Variants in EML5 observed in about 807,000 individuals in gnomAD.
EML5 encodes echinoderm microtubule-associated protein-like 5.
Under a neutral mutation model 250.0 loss-of-function variants are expected in EML5, and 120 were observed. That is an observed-to-expected ratio of 0.48 (90% CI 0.41 to 0.56). The LOEUF (loss-of-function observed/expected upper bound fraction) is 0.56, where lower values mean the gene tolerates loss of function less well. Among genes scored for constraint, EML5 ranks in the 20% least tolerant of loss-of-function variants. The pLI is 0.00. For missense variants in EML5, 2,006 were observed against 2,437.6 expected, an observed-to-expected ratio of 0.82 and a Z score of 3.73; for synonymous variants, 771 against 806.5, an observed-to-expected ratio of 0.96 and a Z score of 0.75.
intron 1 of EML5, among the ~76,000 whole-genome samples, chr14:88,780,925 G>A (rs2094492015): frequency 6.6e-6 from 1 of 152,132 alleles, no homozygotes; most frequent in South Asian, 2.1e-4. Context: ...CAACTGATAA[G>A]ATGTTAATCA....
intron 24 of EML5, 62 bp from the exon 25 acceptor site, chr14:88,661,892 A>C: frequency 4.3e-6 from 6 of 1,407,242 alleles, no homozygotes; most frequent in Non-Finnish European, 5.8e-6. Flanking sequence ...TAACAACCAA[A>C]ATGTAAACAT....
chr14:88,643,093 C>T (rs778218187), intron 30 of EML5, 71 bp from the exon 31 acceptor site: 24 of 1,388,632 alleles, frequency 1.7e-5, no homozygotes, highest in Admixed American at 1.6e-4. Flanking sequence ...TTGTTGTATA[C>T]GTAATACTAG....
rs369138088 is a variant in EML5, at chr14:88,658,355, G to A, written c.3709C>T (p.His1237Tyr). The A allele has an allele frequency of 6.2e-7, 1 of 1,613,396 alleles. No homozygotes were observed. Among genetic ancestry groups the A allele is most frequent in the Non-Finnish European group, 8.5e-7 (1 of 1,179,588 alleles). The change falls in exon 26 of 44, where the codon CAT becomes TAT. Residue 1237 changes from histidine to tyrosine, a missense_variant. Coordinates refer to ENST00000554922, the MANE Select transcript of EML5 (RefSeq NM_183387.3). ...KFGKFKRYVA[H>Y]STHVTNVRWT... is the part of the protein sequence containing the mutation. ...CGAACATTTGTGACATGTGTACTAT[G>A]GGCCACATACCTCTTAAACTTTCCA... is the stretch of plus-strand genomic sequence containing the variant.
Position 88,658,199 on chromosome 14 carries a change from C to T in EML5, c.3865G>A (p.Glu1289Lys). ...CDSEESDIDS[E>K]EDGGYDSDVT... ...TAAAATGACGTACCCCCATCTTCTT[C>T]AGAATCAATGTCGGATTCTTCACTA... Residue 1289 changes from glutamate to lysine, a missense_variant, in exon 26 of 44, where the codon GAA becomes AAA. This residue lies in a region of EML5 where 1,375 missense variants were observed against 1,590.3 expected (regional missense o/e 0.86). Coordinates refer to ENST00000554922, the MANE Select transcript of EML5 (RefSeq NM_183387.3). The T allele has an allele frequency of 6.2e-7, 1 of 1,613,678 alleles. No individual in the cohort carries two copies. The highest frequency in any genetic ancestry group is 1.1e-5 in the South Asian group (1 of 91,062).
intron 1 of EML5, among the ~76,000 whole-genome samples, chr14:88,761,727 G>C (rs987712407): frequency 2.0e-5 from 3 of 152,126 alleles, no homozygotes; most frequent in African/African-American, 7.2e-5. Flanking sequence ...TGGGATTCTT[G>C]GGTCAAACGG....
chr14:88,695,512 A>G (rs2093057466), intron 15 of EML5, 58 bp from the exon 16 acceptor site: 4 of 1,450,612 alleles, frequency 2.8e-6, no homozygotes, highest in Middle Eastern at 1.7e-4. Context: ...GAGAGAAAAC[A>G]TTCAGTATAT....
chr14:88,613,757 C>T lies in EML5; in HGVS notation c.*2061G>A, dbSNP rs1250436893. ...CATTTTATACATAAAATGAATGGAACAAAAGGTGCCAGAAGTCCCAGGTTA... is the reference window on the plus strand; with the variant it reads ...CATTTTATACATAAAATGAATGGAATAAAAGGTGCCAGAAGTCCCAGGTTA... On this transcript the variant is annotated 3_prime_UTR_variant, in exon 44 of 44. Transcript: ENST00000554922. 1.3e-5 allele frequency: 2 copies of T among 152,086 alleles called. No individual in the cohort carries two copies. Among genetic ancestry groups the T allele is most frequent in the Non-Finnish European group, 2.9e-5 (2 of 67,982 alleles). 9.4% of individuals were successfully genotyped at this position (152,086 alleles called of 1,614,324 possible). A position where few individuals can be genotyped will look rare whatever the true frequency, so the allele number is the denominator to read the frequency against.
chr14:88,688,341 C>A lies in EML5; in HGVS notation c.2672G>T (p.Arg891Ile). The change falls in exon 18 of 44, where the codon AGA (arginine) becomes ATA (isoleucine). Residue 891 changes from arginine to isoleucine, a missense_variant. Arg to Ile is a moderately conservative substitution (Grantham distance 97, BLOSUM62 -3). Around this residue, in one of 7 missense-constraint regions of EML5, gnomAD observed 1,375 missense variants for 1,590.3 expected, o/e 0.86. Coordinates refer to ENST00000554922, the MANE Select transcript of EML5 (RefSeq NM_183387.3). ...GTSTGDVCIW[R>I]DIFLVKTVKA... ...CACTGTTTTTACAAGAAAGATGTCTCTCCAGATACACACATCTCCTGTGGA... is the reference window on the plus strand; with the variant it reads ...CACTGTTTTTACAAGAAAGATGTCTATCCAGATACACACATCTCCTGTGGA... 1 of 1,613,994 alleles carries A rather than the reference C, an allele frequency of 6.2e-7. No individual in the cohort carries two copies. Among genetic ancestry groups the A allele is most frequent in the Non-Finnish European group, 8.5e-7 (1 of 1,179,888 alleles).
intron 2 of EML5, 132 bp from the exon 3 acceptor site, chr14:88,746,415 A>G: frequency 1.5e-6 from 1 of 672,836 alleles, no homozygotes; most frequent in South Asian, 1.9e-5. Context: ...TATATTTTAT[A>G]GACCTCATAA....
rs553467782 is a variant in EML5 at position 88,634,340 on chromosome 14, T to G, written c.4357+129A>C. 3.3e-5 allele frequency: 20 copies of G among 603,740 alleles called. No homozygotes were observed. The South Asian group carries it at 4.9e-4, about 15-fold the overall frequency. The allele number at this position is 603,740 out of a possible 1,614,324, so 37.4% of individuals were successfully genotyped here. On this transcript the variant is annotated intron_variant, in intron 33 of 43. Transcript: ENST00000554922. ...GGAGCTGTGAGCCAATTAAACACATTTTCTTTGTAAATTACCCAGTTCTTT... is the reference window on the plus strand; with the variant it reads ...GGAGCTGTGAGCCAATTAAACACATGTTCTTTGTAAATTACCCAGTTCTTT...
At chr14:88,694,677 C>T (rs139107578) in intron 16 of EML5, among the ~76,000 whole-genome samples, 38 of 152,210 alleles carry the variant, frequency 2.5e-4, no homozygotes, top group African/African-American at 8.4e-4. Context: ...ATAGGGAATG[C>T]TATTTGTGGC....
At chr14:88,739,779 A>G (rs1451894210) in intron 5 of EML5, among the ~76,000 whole-genome samples, 1 of 152,112 alleles carries the variant, frequency 6.6e-6, no homozygotes, top group African/African-American at 2.4e-5. Flanking sequence ...AAAGGAAAGA[A>G]AACCAATTCA....
intron 1 of EML5, among the ~76,000 whole-genome samples, chr14:88,763,619 CA>C (rs1419125502): frequency 6.6e-6 from 1 of 152,068 alleles, no homozygotes; most frequent in Non-Finnish European, 1.5e-5. Flanking sequence ...CACTTCCAAA[CA>C]ATAGAAAAAG....
intron 14 of EML5, among the ~76,000 whole-genome samples, chr14:88,702,067 T>A (rs1383381853): frequency 6.6e-6 from 1 of 152,164 alleles, no homozygotes; most frequent in Non-Finnish European, 1.5e-5. Flanking sequence ...AGAGACATAG[T>A]CCTTTGGTTT....
intron 8 of EML5, among the ~76,000 whole-genome samples, chr14:88,715,643 A>G (rs1001717125): frequency 4.6e-5 from 7 of 151,950 alleles, no homozygotes; most frequent in African/African-American, 1.4e-4. Context: ...GAATTCATCT[A>G]TATTACTTCA....
At chr14:88,696,321 C>T (rs188090191) in intron 15 of EML5, among the ~76,000 whole-genome samples, 55 of 152,084 alleles carry the variant, frequency 3.6e-4, no homozygotes, top group Non-Finnish European at 5.9e-4. Context: ...TAGCTTTCAC[C>T]GTAGATCTAT....
chr14:88,756,372 T>C lies in EML5; in HGVS notation c.198-1701A>G, dbSNP rs116357665. Among the ~76,000 whole-genome samples, 1,413 of 152,144 alleles carry C rather than the reference T, an allele frequency of 9.3e-3. 26 individuals are homozygous for C. Among genetic ancestry groups the C allele is most frequent in the African/African-American group, 0.032 (1,348 of 41,512 alleles). ...AACTTCCTCAAACTGACAAAGGACA[T>C]CTACATAAACCCAAAGCTAATAACA... On this transcript the variant is annotated intron_variant, in intron 1 of 43. Transcript: ENST00000554922.
intron 1 of EML5, among the ~76,000 whole-genome samples, chr14:88,774,276 G>A (rs922779294): frequency 6.6e-6 from 1 of 152,192 alleles, no homozygotes; most frequent in African/African-American, 2.4e-5. Context: ...CTAGTCTGAA[G>A]ACCACACTTT....
intron 21 of EML5, among the ~76,000 whole-genome samples, chr14:88,675,940 C>T (rs1277650209): frequency 2.0e-5 from 3 of 152,142 alleles, no homozygotes; most frequent in Non-Finnish European, 1.5e-5. Context: ...GTCACCTTTG[C>T]TCCAGTTCCC....
Sources: allele counts gnomAD v4.1 joint callset (sites outside exome capture counted in the v4.1 genomes callset), GRCh38; gene constraint gnomAD v4.1.1; regional missense constraint gnomAD v4.1.1; transcripts MANE v1.5; gene names NCBI Gene and HGNC (gene_info 2026-07-23, HGNC 2026-07-21).